Variants in SYN3 observed in about 807,000 individuals in gnomAD.
The protein encoded by SYN3 is synapsin III, also known as synapsin-3.
A neutral mutation model predicts 65.8 loss-of-function variants in SYN3; 35 were observed. The ratio of observed to expected loss-of-function variants is 0.53; its 90% CI spans 0.41 to 0.70. The LOEUF (loss-of-function observed/expected upper bound fraction) is 0.70, where lower values mean the gene tolerates loss of function less well. SYN3 is among the 30% of genes least tolerant of loss of function. The probability of loss-of-function intolerance (pLI) is 0.00; values close to 1 mark genes in which losing one functional copy is unlikely to be tolerated. For synonymous variants in SYN3, 270 were observed against 292.9 expected (o/e 0.92, Z 0.80); for missense variants, 680 against 749.0 (o/e 0.91, Z 1.08).
chr22:33,019,708 G>A (rs1448153099), intron 1 of SYN3, among the ~76,000 whole-genome samples: 1 of 152,116 alleles, frequency 6.6e-6, no homozygotes, highest in Non-Finnish European at 1.5e-5. Flanking sequence ...GCAGTGGCGC[G>A]ATCTTGGCTC....
At chr22:33,057,349 C>G (rs1053796156) in intron 1 of SYN3, among the ~76,000 whole-genome samples, 2 of 152,224 alleles carry the variant, frequency 1.3e-5, no homozygotes, top group Non-Finnish European at 2.9e-5. Flanking sequence ...CTACCTACAG[C>G]AAGACCCGGT....
chr22:32,838,639 A>C (rs1007552152), intron 6 of SYN3, among the ~76,000 whole-genome samples: 1 of 152,058 alleles, frequency 6.6e-6, no homozygotes, highest in Non-Finnish European at 1.5e-5. Context: ...ATTTTGGAAC[A>C]ATGTCGGTAT....
At chr22:32,543,925 C>T (rs1360992615) in intron 7 of SYN3, among the ~76,000 whole-genome samples, 1 of 152,274 alleles carries the variant, frequency 6.6e-6, no homozygotes, top group Admixed American at 6.5e-5. Flanking sequence ...GATGGAAGGA[C>T]CTGGGTCACT....
chr22:32,581,801 T>C (rs1331071282), intron 7 of SYN3, among the ~76,000 whole-genome samples: 32 of 139,770 alleles, frequency 2.3e-4, no homozygotes, highest in African/African-American at 2.4e-4. Flanking sequence ...TCTTTTTTTT[T>C]TTTTTTTTTT....
chr22:32,649,316 C>A (rs2146937919), intron 6 of SYN3, among the ~76,000 whole-genome samples: 1 of 152,234 alleles, frequency 6.6e-6, no homozygotes, highest in South Asian at 2.1e-4. Flanking sequence ...CCTGTGAGAG[C>A]AAGAATAATT....
intron 6 of SYN3, among the ~76,000 whole-genome samples, chr22:32,654,928 G>A (rs910859149): frequency 1.3e-5 from 2 of 152,200 alleles, no homozygotes; most frequent in African/African-American, 4.8e-5. Flanking sequence ...ACTGTTGTCA[G>A]CTCTTCTAGA....
chr22:32,586,978 C>A (rs12160674), intron 7 of SYN3, among the ~76,000 whole-genome samples: 1 of 152,128 alleles, frequency 6.6e-6, no homozygotes. Context: ...AATCCCAGCA[C>A]TTTGGGAGGC....
At chr22:32,871,801 T>A (rs1360540411) in intron 4 of SYN3, among the ~76,000 whole-genome samples, 1 of 152,034 alleles carries the variant, frequency 6.6e-6, no homozygotes, top group Non-Finnish European at 1.5e-5. Context: ...ATTATTATTT[T>A]TTATTTTTTG....
At chr22:32,856,448 T>C (rs1207681560) in intron 6 of SYN3, among the ~76,000 whole-genome samples, 1 of 152,090 alleles carries the variant, frequency 6.6e-6, no homozygotes, top group Admixed American at 6.5e-5. Flanking sequence ...ACTGGACAGC[T>C]GAATAGGGGA....
intron 6 of SYN3, among the ~76,000 whole-genome samples, chr22:32,705,866 A>C (rs1569161559): frequency 1.3e-5 from 2 of 152,102 alleles, no homozygotes; most frequent in Non-Finnish European, 2.9e-5. Context: ...TGGCTGTTGT[A>C]GGTATATAAG....
intron 5 of SYN3, among the ~76,000 whole-genome samples, chr22:32,865,616 G>A (rs1601579398): frequency 6.6e-6 from 1 of 152,174 alleles, no homozygotes; most frequent in Non-Finnish European, 1.5e-5. Flanking sequence ...CTCTGCTGTT[G>A]CAACCCCTCT....
At chr22:32,976,718 C>T (rs992255224) in intron 3 of SYN3, among the ~76,000 whole-genome samples, 9 of 152,174 alleles carry the variant, frequency 5.9e-5, no homozygotes, top group African/African-American at 2.2e-4. Context: ...CTCCACGGGC[C>T]TCCCCAGGGT....
chr22:32,709,215 A>G (rs1181511779), intron 6 of SYN3, among the ~76,000 whole-genome samples: 2 of 152,224 alleles, frequency 1.3e-5, no homozygotes, highest in African/African-American at 2.4e-5. Flanking sequence ...TAGATAATTC[A>G]GGCTCCAAAA....
intron 6 of SYN3, among the ~76,000 whole-genome samples, chr22:32,715,908 A>G (rs2061032983): frequency 6.6e-6 from 1 of 152,098 alleles, no homozygotes; most frequent in South Asian, 2.1e-4. Flanking sequence ...CTGTGCTGGA[A>G]CCAAGTACTC....
intron 6 of SYN3, among the ~76,000 whole-genome samples, chr22:32,731,726 G>A (rs1364735293): frequency 6.6e-6 from 1 of 152,164 alleles, no homozygotes; most frequent in Non-Finnish European, 1.5e-5. Flanking sequence ...ATCCTCCACG[G>A]TTAATGACAA....
At chr22:33,041,578 A>G (rs1342703529) in intron 1 of SYN3, among the ~76,000 whole-genome samples, 5 of 152,034 alleles carry the variant, frequency 3.3e-5, no homozygotes, top group Non-Finnish European at 7.4e-5. Flanking sequence ...AATTACAGGC[A>G]TGAGCCACCA....
chr22:32,563,688 G>A (rs951063067), intron 7 of SYN3, among the ~76,000 whole-genome samples: 1 of 151,990 alleles, frequency 6.6e-6, no homozygotes, highest in Non-Finnish European at 1.5e-5. Flanking sequence ...TTTTTGTTTG[G>A]AGACAGAGTC....
chr22:32,825,032 C>T (rs565773248), intron 6 of SYN3, among the ~76,000 whole-genome samples: 6 of 152,234 alleles, frequency 3.9e-5, no homozygotes, highest in East Asian at 1.9e-4. Context: ...ACTTTGAAAT[C>T]GCAGGCTGGG....
chr22:32,594,145 G>A (rs1293112958), intron 7 of SYN3, among the ~76,000 whole-genome samples: 1 of 152,032 alleles, frequency 6.6e-6, no homozygotes, highest in Non-Finnish European at 1.5e-5. Flanking sequence ...GGAGACAAGG[G>A]AATTGGGGGG....
Sources: gnomAD v4.1 joint callset for allele counts (sites outside exome capture counted in the v4.1 genomes callset) on GRCh38, gnomAD v4.1.1 for gene constraint, MANE v1.5 for transcripts, NCBI Gene and HGNC (gene_info 2026-07-23, HGNC 2026-07-21) for gene names.